Variants in SFPQ observed in about 807,000 individuals in gnomAD.
SFPQ encodes splicing factor, proline- and glutamine-rich.
A neutral mutation model predicts 72.9 loss-of-function variants in SFPQ; 11 were observed. The ratio of observed to expected loss-of-function variants is 0.15; its 90% CI spans 0.09 to 0.25. The LOEUF (loss-of-function observed/expected upper bound fraction) is 0.25. SFPQ is among the 10% of genes least tolerant of loss of function. The pLI, the probability that SFPQ is intolerant of heterozygous loss-of-function variation, is 1.00. For synonymous variants in SFPQ, 506 were observed against 367.3 expected (o/e 1.38, Z -4.32); for missense variants, 847 against 993.3 (o/e 0.85, Z 1.98).
exon 6 of SFPQ, chr1:35,176,438 T>C (rs1378083502): frequency 1.3e-5 from 2 of 152,068 alleles, no homozygotes; most frequent in African/African-American, 4.8e-5. Context: ...TTCCACTCCT[T>C]CTCGTTGGTT....
At chr1:35,179,386 C>A, downstream of SFPQ, 1 of 1,056,884 alleles carries the variant, frequency 9.5e-7, no homozygotes, top group Non-Finnish European at 1.1e-6. Context: ...TTTCATCTTT[C>A]AGAAAGCACC....
chr1:35,179,894 C>G (rs1386887967), downstream of SFPQ: 3 of 1,054,944 alleles, frequency 2.8e-6, no homozygotes, highest in Non-Finnish European at 3.4e-6. Context: ...GAAACCCCAT[C>G]AGGGTTCTAT....
downstream of SFPQ, chr1:35,178,793 A>G (rs564537987): frequency 9.5e-6 from 10 of 1,053,400 alleles, no homozygotes; most frequent in East Asian, 5.4e-5. Context: ...CCTGTTGCAC[A>G]TGTACCATCC....
In SFPQ at chr1:35,187,057, C is replaced by T; in HGVS notation, c.1930G>A (p.Ala644Thr). ...GTTGCTGGTGGAACGCCAGGATTAG[C>T]TTCATAACCTATGCCACCACCACCT... ...LGGGGGIGYE[A>T]NPGVPPATMS... The change falls in exon 9 of 10, where the codon GCT becomes ACT. Residue 644 changes from alanine to threonine, a missense_variant. By Grantham distance (58) the Ala-to-Thr change is moderately conservative. Around this residue, in one of 6 missense-constraint regions of SFPQ, gnomAD observed 154 missense variants for 186.0 expected, o/e 0.83. Transcript: ENST00000357214. The T allele has an allele frequency of 6.2e-7, 1 of 1,614,136 alleles. No homozygotes were observed. The highest frequency in any genetic ancestry group is 2.2e-5 in the East Asian group (1 of 44,884).
intron 1 of SFPQ, among the ~76,000 whole-genome samples, 193 bp from the exon 2 acceptor site, chr1:35,191,722 G>T: frequency 6.6e-6 from 1 of 152,138 alleles, no homozygotes; most frequent in East Asian, 1.9e-4. Context: ...CATCCAGAAT[G>T]TTCGAGAATA....
intron 7 of SFPQ, 136 bp from the exon 8 acceptor site, chr1:35,187,387 T>C: frequency 1.1e-6 from 1 of 878,668 alleles, no homozygotes; most frequent in Non-Finnish European, 1.9e-6. Flanking sequence ...ATTTTTGAAA[T>C]CAATATTCTG....
At chr1:35,176,485 G>A (rs922486088) in intron 5 of SFPQ, 1 of 151,668 alleles carries the variant, frequency 6.6e-6, no homozygotes, top group East Asian at 1.9e-4. Context: ...CTAATTAAAG[G>A]GTATGATTAC....
At chr1:35,179,736 T>C (rs1198928935), downstream of SFPQ, 1 of 1,056,552 alleles carries the variant, frequency 9.5e-7, no homozygotes, top group African/African-American at 1.7e-5. Flanking sequence ...CCAATAAAGT[T>C]CCTGAAGTCC....
At chr1:35,188,931 A>C in intron 6 of SFPQ, 72 bp downstream of exon 6, 8 of 1,196,170 alleles carry the variant, frequency 6.7e-6, no homozygotes, top group African/African-American at 1.5e-5. Flanking sequence ...ACTGCACTCC[A>C]GCCCGGGCAA....
At chr1:35,185,544 T>C (rs1216447639) in intron 9 of SFPQ, among the ~76,000 whole-genome samples, 2 of 152,208 alleles carry the variant, frequency 1.3e-5, no homozygotes, top group African/African-American at 4.8e-5. Context: ...TGTGCCTAAA[T>C]AGCAGACCCC....
Position 35,192,443 on chromosome 1 carries a change from C to T in SFPQ, c.607G>A (p.Gly203Ser). 1 of 1,408,852 alleles carries T rather than the reference C, an allele frequency of 7.1e-7. No homozygotes were observed. The highest frequency in any genetic ancestry group is 9.2e-7 in the Non-Finnish European group (1 of 1,090,412). 87.3% of individuals were successfully genotyped at this position (1,408,852 alleles called of 1,614,324 possible). A position where few individuals can be genotyped will look rare whatever the true frequency, so the allele number is the denominator to read the frequency against. ...GPGPGPKQGP[G>S]PGGPKGGKMP... ...TTGCCGCCTTTGGGACCACCCGGAC[C>T]TGGGCCCTGCTTAGGCCCTGGACCC... Residue 203 changes from glycine to serine, a missense_variant, in exon 1 of 10, where the codon GGT becomes AGT. Gly to Ser is a moderately conservative substitution (Grantham distance 56). Transcript: ENST00000357214.
Position 35,192,761 on chromosome 1 carries a change from G to T in SFPQ, c.289C>A (p.Gln97Lys). ...TCCTGCGGCGGTGGCGGCGGCTGCTGCTGCTGATGCGGCTGTGGATGCGGC... is the reference window on the plus strand; with the variant it reads ...TCCTGCGGCGGTGGCGGCGGCTGCTTCTGCTGATGCGGCTGTGGATGCGGC... ...PPPHPQPHQQ[Q>K]QPPPPPQDSS... The change falls in exon 1 of 10, where the codon CAG becomes AAG. Residue 97 changes from glutamine to lysine, a missense_variant. By Grantham distance (53) the Gln-to-Lys change is moderately conservative (BLOSUM62 1). This residue lies in a region of SFPQ where 498 missense variants were observed against 405.1 expected (regional missense o/e 1.23). Transcript: ENST00000357214. 6.7e-7 allele frequency: 1 copy of T among 1,499,090 alleles called. No homozygotes were observed. Among genetic ancestry groups the T allele is most frequent in the Non-Finnish European group, 8.9e-7 (1 of 1,129,938 alleles). 92.9% of individuals were successfully genotyped at this position (1,499,090 alleles called of 1,614,324 possible).
intron 6 of SFPQ, among the ~76,000 whole-genome samples, chr1:35,188,485 G>A (rs1327017811): frequency 6.6e-6 from 1 of 152,058 alleles, no homozygotes; most frequent in Non-Finnish European, 1.5e-5. Flanking sequence ...ACCAGCCTAG[G>A]CAATATAGGA....
At chr1:35,180,235 C>T, downstream of SFPQ, 9 of 1,051,692 alleles carry the variant, frequency 8.6e-6, no homozygotes, top group Non-Finnish European at 1.0e-5. Context: ...CTAGCTAAAA[C>T]CAGTTCAGAG....
At chr1:35,188,181 G>C in intron 6 of SFPQ, 91 bp from the exon 7 acceptor site, 1 of 956,328 alleles carries the variant, frequency 1.0e-6, no homozygotes, top group Non-Finnish European at 1.7e-6. Flanking sequence ...CTAAGAACTA[G>C]GTTAGCACTA....
downstream of SFPQ, chr1:35,182,452 C>T (rs948689972): frequency 5.1e-6 from 5 of 985,154 alleles, no homozygotes; most frequent in African/African-American, 3.5e-5. Flanking sequence ...GAGATTCTCT[C>T]CCTTAGCACA....
At chr1:35,180,849 A>AT, downstream of SFPQ, 1 of 985,376 alleles carries the variant, frequency 1.0e-6, no homozygotes, top group Non-Finnish European at 1.2e-6. Flanking sequence ...GATGTGTTCC[A>AT]TGTTATCTTC....
At chr1:35,192,102 G>C (rs1463308886) in intron 1 of SFPQ, 120 bp downstream of exon 1, 2 of 825,590 alleles carry the variant, frequency 2.4e-6, no homozygotes, top group African/African-American at 3.6e-5. Context: ...CCCCCGCAGC[G>C]GCGCGCGCAA....
At chr1:35,182,723 A>C, downstream of SFPQ, 8 of 985,454 alleles carry the variant, frequency 8.1e-6, no homozygotes, top group Non-Finnish European at 9.6e-6. Context: ...TACAATGTAC[A>C]GATTTGAATG....
Sources: allele counts gnomAD v4.1 joint callset (sites outside exome capture counted in the v4.1 genomes callset), GRCh38; gene constraint gnomAD v4.1.1; regional missense constraint gnomAD v4.1.1; transcripts MANE v1.5; gene names NCBI Gene and HGNC (gene_info 2026-07-23, HGNC 2026-07-21).